Variants in DOCK10 observed in about 807,000 individuals in gnomAD.
The protein encoded by DOCK10 is dedicator of cytokinesis protein 10.
A neutral mutation model predicts 280.1 loss-of-function variants in DOCK10; 145 were observed. The ratio of observed to expected loss-of-function variants is 0.52; its 90% confidence interval spans 0.45 to 0.59. The LOEUF is 0.59. Among genes scored for constraint, DOCK10 ranks in the 20% least tolerant of loss-of-function variants. The pLI, the probability that DOCK10 is intolerant of heterozygous loss-of-function variation, is 0.00. For synonymous variants in DOCK10, 915 were observed against 942.2 expected (o/e 0.97, Z 0.53); for missense variants, 2,368 against 2,651.7 (o/e 0.89, Z 2.35).
intron 2 of DOCK10, among the ~76,000 whole-genome samples, chr2:224,917,099 A>ATT (rs1559754057): frequency 1.7e-5 from 1 of 60,250 alleles, no homozygotes; most frequent in African/African-American, 6.1e-5. Flanking sequence ...TTCTATTGGA[A>ATT]TCTTTTTTTT....
At chr2:224,999,275 G>C (rs1282682678) in intron 1 of DOCK10, among the ~76,000 whole-genome samples, 1 of 148,382 alleles carries the variant, frequency 6.7e-6, no homozygotes, top group Non-Finnish European at 1.5e-5. Flanking sequence ...TAAGGGTCTC[G>C]CTATGTTGCC....
At chr2:224,986,216 G>A (rs1705970294) in intron 1 of DOCK10, among the ~76,000 whole-genome samples, 1 of 152,166 alleles carries the variant, frequency 6.6e-6, no homozygotes, top group Non-Finnish European at 1.5e-5. Context: ...TGCTTGTCTT[G>A]TAAAAACAAA....
At chr2:224,943,419 A>G (rs1703204882) in intron 1 of DOCK10, among the ~76,000 whole-genome samples, 2 of 152,216 alleles carry the variant, frequency 1.3e-5, no homozygotes, top group Non-Finnish European at 2.9e-5. Flanking sequence ...CATAATTCTT[A>G]GGAAGTCACA....
At chr2:224,830,895 C>T (rs1695179521) in intron 26 of DOCK10, among the ~76,000 whole-genome samples, 2 of 144,936 alleles carry the variant, frequency 1.4e-5, no homozygotes, top group South Asian at 4.2e-4. Flanking sequence ...AGTTGTTTCA[C>T]CTAGTTAAAC....
intron 11 of DOCK10, among the ~76,000 whole-genome samples, chr2:224,868,028 G>A (rs1698040552): frequency 6.6e-6 from 1 of 152,172 alleles, no homozygotes; most frequent in Admixed American, 6.5e-5. Context: ...GGGCTGAAGA[G>A]CTGGGCCTGA....
chr2:224,912,298 G>C (rs79190082), intron 3 of DOCK10, among the ~76,000 whole-genome samples: 1 of 151,772 alleles, frequency 6.6e-6, no homozygotes, highest in Admixed American at 6.6e-5. Context: ...ACTACTCCCG[G>C]GTAATTTTGT....
Position 224,787,108 on chromosome 2 carries a change from G to A in DOCK10, c.5569C>T (p.His1857Tyr). The A allele has an allele frequency of 6.2e-7, 1 of 1,613,964 alleles. No individual in the cohort carries two copies. Among genetic ancestry groups the A allele is most frequent in the Non-Finnish European group, 8.5e-7 (1 of 1,179,820 alleles). Residue 1857 changes from histidine (H) to tyrosine (Y), a missense_variant, in exon 50 of 56, where the codon CAT (histidine) becomes TAT (tyrosine). Physicochemically the swap from His to Tyr is moderately conservative, Grantham distance 83. Coordinates refer to ENST00000258390, the MANE Select transcript of DOCK10 (RefSeq NM_014689.3). ...KKLSDLYYDI[H>Y]RSYLKVAEVV... is the part of the protein sequence containing the mutation. ...TCTGCCACTTTCAGATATGACCGAT[G>A]AATGTCGTAGTAGAGATCTGACAAT...
In DOCK10 at chr2:224,978,045, A is replaced by G. The variant is rs185569381; in HGVS notation, c.124-46377T>C. 2.1e-3 allele frequency among the ~76,000 whole-genome samples: 316 copies of G among 152,342 alleles called. 1 individual carries two copies. The highest frequency in any genetic ancestry group is 7.3e-3 in the African/African-American group (303 of 41,584). The stretch of plus-strand genomic sequence containing the variant: ...GGCATCTTTATCAACTGAATTTTGC[A>G]TATTAGTGACAACTGCTTAAAAATA... On this transcript the variant is annotated intron_variant, in intron 1 of 55. Transcript: ENST00000258390.
chr2:224,988,885 A>G (rs1706049547), intron 1 of DOCK10, among the ~76,000 whole-genome samples: 1 of 152,200 alleles, frequency 6.6e-6, no homozygotes, highest in African/African-American at 2.4e-5. Flanking sequence ...CAAAGCATAT[A>G]TTTAGAATAC....
chr2:224,787,335 T>C lies in DOCK10; in HGVS notation c.5481A>G (p.Glu1827=). The change falls in exon 49 of 56, where the codon GAA becomes GAG. Residue 1827 remains glutamate (E), a synonymous_variant. Transcript: ENST00000258390. ...VEFLWKSERY[E]LIADVNKPII... is the part of the protein sequence containing the mutation. ...TGGGCTTGTTGACATCAGCAATGAG[T>C]TCATATCGCTCAGACTTCCAGAGAA... 1 of 1,613,906 alleles carries C rather than the reference T, an allele frequency of 6.2e-7. No homozygotes were observed. The highest frequency in any genetic ancestry group is 8.5e-7 in the Non-Finnish European group (1 of 1,179,838).
chr2:224,859,759 A>T (rs2125595865), intron 14 of DOCK10, among the ~76,000 whole-genome samples: 1 of 152,338 alleles, frequency 6.6e-6, no homozygotes, highest in African/African-American at 2.4e-5. Context: ...GCGTAACAGG[A>T]AGGAGCAGTA....
chr2:224,896,506 C>G (rs995672801), intron 3 of DOCK10, 129 bp from the exon 4 acceptor site: 1 of 526,744 alleles, frequency 1.9e-6, no homozygotes, highest in East Asian at 3.3e-5. Context: ...ATCAGGAGTT[C>G]GAGGCCAACC....
chr2:224,775,835 C>A (rs1159918034), intron 51 of DOCK10, among the ~76,000 whole-genome samples: 5 of 152,178 alleles, frequency 3.3e-5, no homozygotes, highest in Non-Finnish European at 7.3e-5. Flanking sequence ...ATCTTTTGGT[C>A]CCTCTATGAT....
rs1692357702 is a variant in DOCK10 at position 224,793,559 on chromosome 2, A to G, written c.5155-102T>C. 6 of 860,428 alleles carry G rather than the reference A, an allele frequency of 7.0e-6. No individual in the cohort carries two copies. In the South Asian group the frequency reaches 9.1e-5, roughly 13 times the overall value. The allele number at this position is 860,428 out of a possible 1,614,324, so 53.3% of individuals were successfully genotyped here. A position where few individuals can be genotyped will look rare whatever the true frequency, so the allele number is the denominator to read the frequency against. ...AGTATTCCATATCAGAATATGTTAGAAGGATCCTTTGTAATCACCAAATTG... is the reference window on the plus strand; with the variant it reads ...AGTATTCCATATCAGAATATGTTAGGAGGATCCTTTGTAATCACCAAATTG... On this transcript the variant is annotated intron_variant, in intron 45 of 55. Coordinates refer to ENST00000258390, the MANE Select transcript of DOCK10 (RefSeq NM_014689.3).
At chr2:224,801,359 G>T (rs1693002839) in intron 40 of DOCK10, among the ~76,000 whole-genome samples, 2 of 150,416 alleles carry the variant, frequency 1.3e-5, no homozygotes, top group Non-Finnish European at 2.9e-5. Flanking sequence ...GTGATGTTAT[G>T]CCAGAGTCAG....
chr2:224,877,978 AC>A (rs1698745286), intron 7 of DOCK10, among the ~76,000 whole-genome samples: 1 of 152,200 alleles, frequency 6.6e-6, no homozygotes, highest in Non-Finnish European at 1.5e-5. Context: ...AATAGAGCAA[AC>A]CCTAACACTT....
At chr2:224,789,034 T>A in intron 48 of DOCK10, 30 bp downstream of exon 48, 1 of 1,420,914 alleles carries the variant, frequency 7.0e-7, no homozygotes, top group Non-Finnish European at 9.9e-7. Context: ...CTTTCCTTCG[T>A]TACTGTACAT....
At chr2:225,004,182 A>T (rs574763402) in intron 1 of DOCK10, among the ~76,000 whole-genome samples, 1 of 152,378 alleles carries the variant, frequency 6.6e-6, no homozygotes, top group South Asian at 2.1e-4. Context: ...CAGATGAGTT[A>T]AGCCTTTCAA....
chr2:224,930,085 C>T (rs765946641), intron 2 of DOCK10, among the ~76,000 whole-genome samples: 1 of 151,664 alleles, frequency 6.6e-6, no homozygotes, highest in Non-Finnish European at 1.5e-5. Flanking sequence ...CCTGTAATCC[C>T]AGCTACTTGG....
Sources: allele counts gnomAD v4.1 joint callset (sites outside exome capture counted in the v4.1 genomes callset), GRCh38; gene constraint gnomAD v4.1.1; transcripts MANE v1.5; gene names NCBI Gene and HGNC (gene_info 2026-07-23, HGNC 2026-07-21).